ACTRT2: variants seen among roughly 807,000 people sequenced by gnomAD.
ACTRT2 encodes actin-related protein T2.
ACTRT2 carries 1 observed loss-of-function variant against 1.2 expected under a neutral mutation model. That is an observed-to-expected ratio of 0.80 (90% CI 0.29 to 3.81). The LOEUF (loss-of-function observed/expected upper bound fraction) is 3.81, where lower values mean the gene tolerates loss of function less well. ACTRT2 is among the 30% of genes most tolerant of loss of function. The pLI is 0.18. For missense variants in ACTRT2, 488 were observed against 497.9 expected (o/e 0.98, Z 0.19); for synonymous variants, 262 against 228.9 (o/e 1.14, Z -1.30).
In ACTRT2 at chr1:3,022,745, C is replaced by G. The variant is rs1421559726; in HGVS notation, c.1059C>G (p.Ser353Arg). 1.2e-6 allele frequency: 2 copies of G among 1,613,706 alleles called. No homozygotes were observed. Among genetic ancestry groups the G allele is most frequent in the Admixed American group, 3.3e-5 (2 of 60,000 alleles). ...IGASIVTSLS[S>R]FKQMWVTAAD... ...CCTCCATCGTCACCTCTCTGAGTAG[C>G]TTCAAGCAGATGTGGGTCACCGCCG... Residue 353 changes from serine to arginine, a missense_variant, in exon 1 of 1, where the codon AGC becomes AGG. Physicochemically the swap from Ser to Arg is moderately radical, Grantham distance 110. Transcript: ENST00000378404. This position sits in a 1 kb window ranked among gnomAD's most constrained non-coding sequence, Gnocchi z 7.7.
chr1:3,022,896 T>G lies in ACTRT2; in HGVS notation c.*76T>G, dbSNP rs1423121384. 32 of 1,521,794 alleles carry G rather than the reference T, an allele frequency of 2.1e-5. No homozygotes were observed. Among genetic ancestry groups the G allele is most frequent in the Non-Finnish European group, 2.7e-5 (31 of 1,132,554 alleles). The allele number at this position is 1,521,794 out of a possible 1,614,324, so 94.3% of individuals were successfully genotyped here. On this transcript the variant is annotated 3_prime_UTR_variant, in exon 1 of 1. Coordinates refer to ENST00000378404, the MANE Select transcript of ACTRT2 (RefSeq NM_080431.5). The surrounding 1 kb of genome is among the most constrained non-coding windows in gnomAD (Gnocchi z 7.7). ...GGGAGGATGTTCAATAAAGGACCAA[T>G]GCCGGAACACCTGGCCACCTCGGCT...
chr1:3,022,041 A>G lies in ACTRT2; in HGVS notation c.355A>G (p.Asn119Asp), dbSNP rs774096073. The G allele has an allele frequency of 1.2e-6, 2 of 1,613,538 alleles. No individual in the cohort carries two copies. The highest frequency in any genetic ancestry group is 1.7e-6 in the Non-Finnish European group (2 of 1,180,020). The change falls in exon 1 of 1, where the codon AAC becomes GAC. Residue 119 changes from asparagine (N) to aspartate (D), a missense_variant. Transcript: ENST00000378404. The surrounding 1 kb of genome is among the most constrained non-coding windows in gnomAD (Gnocchi z 7.7). ...ATEPSLNPRE[N>D]REKMAEVMFE... ...GGAGCCCTCCCTGAACCCCAGGGAG[A>G]ACCGTGAGAAGATGGCAGAAGTCAT...
In ACTRT2 at chr1:3,021,623, T is replaced by A. The variant is rs1641074002; in HGVS notation, c.-64T>A. 9 of 1,549,866 alleles carry A rather than the reference T, an allele frequency of 5.8e-6. No homozygotes were observed. The South Asian group carries it at 1.0e-4, about 17-fold the overall frequency. Reference sequence around the variant, plus strand: ...AAGAGCTGTGGGATCCCCTATTGCATCACAAAGCGGCCCTGGAGGGCTGGT... The same window carrying A: ...AAGAGCTGTGGGATCCCCTATTGCAACACAAAGCGGCCCTGGAGGGCTGGT... On this transcript the variant is annotated 5_prime_UTR_variant, in exon 1 of 1. Coordinates refer to ENST00000378404, the MANE Select transcript of ACTRT2 (RefSeq NM_080431.5).
chr1:3,022,090 C>T lies in ACTRT2; in HGVS notation c.404C>T (p.Ala135Val), dbSNP rs901089427. 3.7e-6 allele frequency: 6 copies of T among 1,613,348 alleles called. No homozygotes were observed. The African/African-American group carries it at 8.0e-5, about 22-fold the overall frequency. The change falls in exon 1 of 1, where the codon GCT becomes GTT. Residue 135 changes from alanine (A) to valine (V), a missense_variant. Coordinates refer to ENST00000378404, the MANE Select transcript of ACTRT2 (RefSeq NM_080431.5). This position sits in a 1 kb window ranked among gnomAD's most constrained non-coding sequence, Gnocchi z 7.7. ...ATGTTCGAGAACTTCGGCGTGCCCG[C>T]TTTCTACCTGTCGGACCAGGCGGTG... ...EVMFENFGVP[A>V]FYLSDQAVLA...
chr1:3,021,484 G>T lies in ACTRT2; in HGVS notation c.-203G>T. 1 of 629,146 alleles carries T rather than the reference G, an allele frequency of 1.6e-6. No homozygotes were observed. Among genetic ancestry groups the T allele is most frequent in the Non-Finnish European group, 2.7e-6 (1 of 376,640 alleles). 39.0% of individuals were successfully genotyped at this position (629,146 alleles called of 1,614,324 possible). A position where few individuals can be genotyped will look rare whatever the true frequency, so the allele number is the denominator to read the frequency against. ...TAGGAGACAACCCCCTGGCCCCCTG[G>T]AAGAGGCCTCAGCAGGCCCAGGCCA... On this transcript the variant is annotated 5_prime_UTR_variant, in exon 1 of 1. Coordinates refer to ENST00000378404, the MANE Select transcript of ACTRT2 (RefSeq NM_080431.5).
Position 3,021,821 on chromosome 1 carries a change from G to T in ACTRT2, c.135G>T (p.Gln45His). The change falls in exon 1 of 1, where the codon CAG (glutamine) becomes CAT (histidine). Residue 45 changes from glutamine to histidine, a missense_variant. Transcript: ENST00000378404. ...CCATCGTGGGGCACCTGAAATTCCA[G>T]GCTCCCTCAGCAGAGGCCAACCAGA... ...VSSIVGHLKF[Q>H]APSAEANQKK... 1 of 1,613,118 alleles carries T rather than the reference G, an allele frequency of 6.2e-7. No homozygotes were observed. The highest frequency in any genetic ancestry group is 8.5e-7 in the Non-Finnish European group (1 of 1,179,880).
chr1:3,021,836 G>C lies in ACTRT2; in HGVS notation c.150G>C (p.Glu50Asp). 6.2e-7 allele frequency: 1 copy of C among 1,609,952 alleles called. No homozygotes were observed. The highest frequency in any genetic ancestry group is 8.5e-7 in the Non-Finnish European group (1 of 1,178,074). Reference protein sequence around the residue: ...GHLKFQAPSAEANQKKYFVGE... With the variant: ...GHLKFQAPSADANQKKYFVGE... Reference sequence around the variant, plus strand: ...TGAAATTCCAGGCTCCCTCAGCAGAGGCCAACCAGAAGAAGTACTTTGTGG... The same window carrying C: ...TGAAATTCCAGGCTCCCTCAGCAGACGCCAACCAGAAGAAGTACTTTGTGG... Residue 50 changes from glutamate (E) to aspartate (D), a missense_variant, in exon 1 of 1, where the codon GAG (glutamate) becomes GAC (aspartate). By Grantham distance (45) the Glu-to-Asp change is conservative. Coordinates refer to ENST00000378404, the MANE Select transcript of ACTRT2 (RefSeq NM_080431.5).
chr1:3,022,827 C>A lies in ACTRT2; in HGVS notation c.*7C>A, dbSNP rs1044447565. ...GCAGAGAAGATGCTTCTGAAGGCCG[C>A]TTCTCGTTGGGTACCGTGGGGGGTG... On this transcript the variant is annotated 3_prime_UTR_variant, in exon 1 of 1. Coordinates refer to ENST00000378404, the MANE Select transcript of ACTRT2 (RefSeq NM_080431.5). The surrounding 1 kb of genome is among the most constrained non-coding windows in gnomAD (Gnocchi z 7.7). 1.9e-6 allele frequency: 3 copies of A among 1,599,592 alleles called. No individual in the cohort carries two copies. In the African/African-American group the frequency reaches 4.0e-5, roughly 21 times the overall value.
Position 3,022,155 on chromosome 1 carries a change from G to A in ACTRT2, c.469G>A (p.Val157Met). ...YASACVTGLVVDSGDAVTCTV... is the reference protein window; with the variant it reads ...YASACVTGLVMDSGDAVTCTV... ...CTCTGCCTGTGTCACGGGCCTGGTG[G>A]TGGACAGCGGGGATGCGGTCACCTG... Residue 157 changes from valine to methionine, a missense_variant, in exon 1 of 1, where the codon GTG becomes ATG. Transcript: ENST00000378404. This position sits in a 1 kb window ranked among gnomAD's most constrained non-coding sequence, Gnocchi z 7.7. 3 of 1,613,194 alleles carry A rather than the reference G, an allele frequency of 1.9e-6. No homozygotes were observed. Among genetic ancestry groups the A allele is most frequent in the African/African-American group, 1.3e-5 (1 of 75,064 alleles).
Position 3,022,204 on chromosome 1 carries a change from A to C in ACTRT2, c.518A>C (p.Tyr173Ser), listed in dbSNP as rs1202471219. The stretch of plus-strand genomic sequence containing the variant: ...TGCACTGTCCCCATCTTTGAGGGTT[A>C]CTCCCTGCCCCACGCAGTCACCAAG... ...VTCTVPIFEGYSLPHAVTKLH... is the reference protein window; with the variant it reads ...VTCTVPIFEGSSLPHAVTKLH... Residue 173 changes from tyrosine to serine, a missense_variant, in exon 1 of 1, where the codon TAC becomes TCC. Tyr to Ser is a moderately radical substitution (Grantham distance 144). Coordinates refer to ENST00000378404, the MANE Select transcript of ACTRT2 (RefSeq NM_080431.5). The surrounding 1 kb of genome is among the most constrained non-coding windows in gnomAD (Gnocchi z 7.7). 3 of 1,612,934 alleles carry C rather than the reference A, an allele frequency of 1.9e-6. No homozygotes were observed. The South Asian group carries it at 3.3e-5, about 18-fold the overall frequency.
rs776703160 is a variant in ACTRT2, at chr1:3,022,770, G to A, written c.1084G>A (p.Ala362Thr). The A allele has an allele frequency of 1.4e-5, 22 of 1,613,680 alleles. No homozygotes were observed. The highest frequency in any genetic ancestry group is 1.6e-4 in the Middle Eastern group (1 of 6,084). ...CTTCAAGCAGATGTGGGTCACCGCC[G>A]CAGACTTCAAGGAGTTTGGGACCTC... Reference protein sequence around the residue: ...SSFKQMWVTAADFKEFGTSVV... With the variant: ...SSFKQMWVTATDFKEFGTSVV... Residue 362 changes from alanine to threonine, a missense_variant, in exon 1 of 1, where the codon GCA becomes ACA. Physicochemically the swap from Ala to Thr is moderately conservative, Grantham distance 58. Coordinates refer to ENST00000378404, the MANE Select transcript of ACTRT2 (RefSeq NM_080431.5). This position sits in a 1 kb window ranked among gnomAD's most constrained non-coding sequence, Gnocchi z 7.7.
Position 3,022,462 on chromosome 1 carries a change from C to A in ACTRT2, c.776C>A (p.Ala259Glu). Reference protein sequence around the residue: ...IISLGDPLHQAPEALFVPQQL... With the variant: ...IISLGDPLHQEPEALFVPQQL... Reference sequence around the variant, plus strand: ...AGCCTCGGGGACCCGCTGCACCAGGCGCCCGAGGCCCTGTTCGTGCCCCAG... The same window carrying A: ...AGCCTCGGGGACCCGCTGCACCAGGAGCCCGAGGCCCTGTTCGTGCCCCAG... Residue 259 changes from alanine (A) to glutamate (E), a missense_variant, in exon 1 of 1, where the codon GCG becomes GAG. Ala to Glu is a moderately radical substitution (Grantham distance 107, BLOSUM62 -1). Transcript: ENST00000378404. This position sits in a 1 kb window ranked among gnomAD's most constrained non-coding sequence, Gnocchi z 7.7. The A allele has an allele frequency of 2.5e-6, 4 of 1,612,808 alleles. No individual in the cohort carries two copies. The East Asian group carries it at 6.7e-5, about 27-fold the overall frequency.
At position 3,022,479 on chromosome 1, in the gene ACTRT2, G is replaced by C; in HGVS notation, c.793G>C (p.Val265Leu). The C allele has an allele frequency of 1.2e-6, 2 of 1,612,908 alleles. No individual in the cohort carries two copies. Among genetic ancestry groups the C allele is most frequent in the Non-Finnish European group, 1.7e-6 (2 of 1,180,026 alleles). Reference protein sequence around the residue: ...PLHQAPEALFVPQQLGSQSPG... With the variant: ...PLHQAPEALFLPQQLGSQSPG... The stretch of plus-strand genomic sequence containing the variant: ...GCACCAGGCGCCCGAGGCCCTGTTC[G>C]TGCCCCAGCAGCTGGGCAGCCAGAG... The change falls in exon 1 of 1, where the codon GTG (valine) becomes CTG (leucine). Residue 265 changes from valine to leucine, a missense_variant. Transcript: ENST00000378404. The surrounding 1 kb of genome is among the most constrained non-coding windows in gnomAD (Gnocchi z 7.7).
rs781763862 is a variant in ACTRT2, at chr1:3,022,081, G to A, written c.395G>A (p.Gly132Asp). The A allele has an allele frequency of 6.2e-7, 1 of 1,613,466 alleles. No homozygotes were observed. Among genetic ancestry groups the A allele is most frequent in the East Asian group, 2.2e-5 (1 of 44,874 alleles). Reference protein sequence around the residue: ...KMAEVMFENFGVPAFYLSDQA... With the variant: ...KMAEVMFENFDVPAFYLSDQA... ...GCAGAAGTCATGTTCGAGAACTTCG[G>A]CGTGCCCGCTTTCTACCTGTCGGAC... is the stretch of plus-strand genomic sequence containing the variant. Residue 132 changes from glycine to aspartate, a missense_variant, in exon 1 of 1, where the codon GGC becomes GAC. By Grantham distance (94) the Gly-to-Asp change is moderately conservative. Coordinates refer to ENST00000378404, the MANE Select transcript of ACTRT2 (RefSeq NM_080431.5). The surrounding 1 kb of genome is among the most constrained non-coding windows in gnomAD (Gnocchi z 7.7).
Position 3,022,875 on chromosome 1 carries a change from G to A in ACTRT2, c.*55G>A. On this transcript the variant is annotated 3_prime_UTR_variant, in exon 1 of 1. Coordinates refer to ENST00000378404, the MANE Select transcript of ACTRT2 (RefSeq NM_080431.5). The surrounding 1 kb of genome is among the most constrained non-coding windows in gnomAD (Gnocchi z 7.7). ...GTGAACCCTAGCCCCAGCTTTGGGAGGATGTTCAATAAAGGACCAATGCCG... is the reference window on the plus strand; with the variant it reads ...GTGAACCCTAGCCCCAGCTTTGGGAAGATGTTCAATAAAGGACCAATGCCG... The A allele has an allele frequency of 6.5e-7, 1 of 1,545,988 alleles. No homozygotes were observed. Among genetic ancestry groups the A allele is most frequent in the Non-Finnish European group, 8.7e-7 (1 of 1,145,612 alleles).
Position 3,022,584 on chromosome 1 carries a change from G to A in ACTRT2, c.898G>A (p.Val300Met). ...DIQKILFGEI[V>M]LSGGTTLFHG... ...CCAGAAGATCCTCTTTGGGGAGATT[G>A]TGCTGTCGGGGGGCACTACCCTGTT... is the stretch of plus-strand genomic sequence containing the variant. The change falls in exon 1 of 1, where the codon GTG (valine) becomes ATG (methionine). Residue 300 changes from valine (V) to methionine (M), a missense_variant. Coordinates refer to ENST00000378404, the MANE Select transcript of ACTRT2 (RefSeq NM_080431.5). This position sits in a 1 kb window ranked among gnomAD's most constrained non-coding sequence, Gnocchi z 7.7. 2.5e-6 allele frequency: 4 copies of A among 1,613,090 alleles called. No homozygotes were observed. The South Asian group carries it at 4.4e-5, about 18-fold the overall frequency.
chr1:3,022,020 C>G lies in ACTRT2; in HGVS notation c.334C>G (p.Pro112Ala). 6.2e-7 allele frequency: 1 copy of G among 1,613,562 alleles called. No individual in the cohort carries two copies. Among genetic ancestry groups the G allele is most frequent in the Non-Finnish European group, 8.5e-7 (1 of 1,180,032 alleles). ...PSDQPLLATEPSLNPRENREK... is the reference protein window; with the variant it reads ...PSDQPLLATEASLNPRENREK... ...CGACCAGCCCCTGCTTGCAACGGAG[C>G]CCTCCCTGAACCCCAGGGAGAACCG... Residue 112 changes from proline (P) to alanine (A), a missense_variant, in exon 1 of 1, where the codon CCC becomes GCC. Physicochemically the swap from Pro to Ala is conservative, Grantham distance 27. Coordinates refer to ENST00000378404, the MANE Select transcript of ACTRT2 (RefSeq NM_080431.5). The surrounding 1 kb of genome is among the most constrained non-coding windows in gnomAD (Gnocchi z 7.7).
chr1:3,021,883 A>G lies in ACTRT2; in HGVS notation c.197A>G (p.Gln66Arg), dbSNP rs755154286. 4 of 1,613,452 alleles carry G rather than the reference A, an allele frequency of 2.5e-6. No individual in the cohort carries two copies. In the South Asian group the frequency reaches 4.4e-5, roughly 18 times the overall value. The change falls in exon 1 of 1, where the codon CAG becomes CGG. Residue 66 changes from glutamine to arginine, a missense_variant. Gln to Arg is a conservative substitution (Grantham distance 43, BLOSUM62 1). Transcript: ENST00000378404. ...GTGGGGGAGGAGGCCCTGTACAAGC[A>G]GGAGGCCCTGCAGCTGCACTCCCCT... The part of the protein sequence containing the change: ...YFVGEEALYK[Q>R]EALQLHSPFE...
chr1:3,022,349 C>T lies in ACTRT2; in HGVS notation c.663C>T (p.Cys221=), dbSNP rs747241008. 1 of 1,612,948 alleles carries T rather than the reference C, an allele frequency of 6.2e-7. No individual in the cohort carries two copies. The highest frequency in any genetic ancestry group is 8.5e-7 in the Non-Finnish European group (1 of 1,180,018). Residue 221 remains cysteine, a synonymous_variant, in exon 1 of 1, where the codon TGC becomes TGT. Coordinates refer to ENST00000378404, the MANE Select transcript of ACTRT2 (RefSeq NM_080431.5). The surrounding 1 kb of genome is among the most constrained non-coding windows in gnomAD (Gnocchi z 7.7). Reference sequence around the variant, plus strand: ...TGGACGACATCAAAAAGAAGCTGTGCTACGTGGCCTTGGAGCCCGAGAAGG... The same window carrying T: ...TGGACGACATCAAAAAGAAGCTGTGTTACGTGGCCTTGGAGCCCGAGAAGG... ...GLVDDIKKKL[C]YVALEPEKEL... is the part of the protein sequence containing the mutation.
Sources: allele counts gnomAD v4.1 joint callset, GRCh38; gene constraint gnomAD v4.1.1; non-coding constraint Gnocchi (gnomAD v3.1); transcripts MANE v1.5; gene names NCBI Gene and HGNC (gene_info 2026-07-23, HGNC 2026-07-21).